The following C17orf78 variants were observed in gnomAD, a reference collection of about 807,000 sequenced individuals.
C17orf78 encodes the protein uncharacterized protein C17orf78.
In C17orf78, 27 loss-of-function variants were observed where a neutral mutation model predicts 31.8. That is an observed-to-expected ratio of 0.85 (90% CI 0.63 to 1.17). C17orf78 has a LOEUF of 1.17. Ranked by LOEUF, C17orf78 falls within the 50% of genes most tolerant of loss-of-function variation. The pLI, the probability that C17orf78 is intolerant of heterozygous loss-of-function variation, is 0.00. For missense variants in C17orf78, 258 were observed against 315.2 expected, an observed-to-expected ratio of 0.82 and a Z score of 1.37; for synonymous variants, 106 against 115.1, an observed-to-expected ratio of 0.92 and a Z score of 0.51.
intron 3 of C17orf78, among the ~76,000 whole-genome samples, chr17:37,380,421 A>G (rs1376913082): frequency 1.3e-5 from 2 of 152,034 alleles, no homozygotes; most frequent in African/African-American, 2.4e-5. Context: ...AACTTAAAGT[A>G]TAATAATAAA....
Position 37,392,367 on chromosome 17 carries a change from T to C in C17orf78, c.*643T>C, listed in dbSNP as rs2050919412. ...CTAAGGTGGCTCTGATATTATATCA[T>C]ACTTTAATAGAGAGTTGCATACCTT... is the stretch of plus-strand genomic sequence containing the variant. On this transcript the variant is annotated 3_prime_UTR_variant, in exon 7 of 7. Transcript: ENST00000615133. 1 of 152,232 alleles carries C rather than the reference T, an allele frequency of 6.6e-6. No homozygotes were observed. The highest frequency in any genetic ancestry group is 2.4e-5 in the African/African-American group (1 of 41,454). The allele number at this position is 152,232 out of a possible 1,614,324, so 9.4% of individuals were successfully genotyped here. A position where few individuals can be genotyped will look rare whatever the true frequency, so the allele number is the denominator to read the frequency against.
At chr17:37,380,912 T>TTA (rs1333961448) in intron 3 of C17orf78, among the ~76,000 whole-genome samples, 1 of 149,932 alleles carries the variant, frequency 6.7e-6, no homozygotes, top group African/African-American at 2.5e-5. Context: ...TTTTTTTTTT[T>TTA]AATTTCATTT....
At chr17:37,380,893 G>A (rs1597750723) in intron 3 of C17orf78, among the ~76,000 whole-genome samples, 1 of 148,726 alleles carries the variant, frequency 6.7e-6, no homozygotes, top group East Asian at 1.9e-4. Context: ...ACCGTGCCTG[G>A]CCAGGTTTTT....
Position 37,388,698 on chromosome 17 carries a change from G to T in C17orf78, c.537G>T (p.Gln179His), listed in dbSNP as rs755804849. The change falls in exon 5 of 7, where the codon CAG becomes CAT. Residue 179 changes from glutamine (Q) to histidine (H), a missense_variant. By Grantham distance (24) the Gln-to-His change is conservative. Coordinates refer to ENST00000615133, the MANE Select transcript of C17orf78 (RefSeq NM_173625.5). Reference sequence around the variant, plus strand: ...CAGATGAGAACCTAGAGAAGAGACAGAAATGGAGTATTGTGGTCAAAATTC... The same window carrying T: ...CAGATGAGAACCTAGAGAAGAGACATAAATGGAGTATTGTGGTCAAAATTC... The part of the protein sequence containing the change: ...TDTDENLEKR[Q>H]KWSIVVKILI... 8 of 1,612,502 alleles carry T rather than the reference G, an allele frequency of 5.0e-6. No homozygotes were observed. Among genetic ancestry groups the T allele is most frequent in the South Asian group, 1.1e-5 (1 of 90,822 alleles).
At position 37,380,331 on chromosome 17, in the gene C17orf78, C is replaced by T. The variant is rs1055540640; in HGVS notation, c.391+949C>T. Among the ~76,000 whole-genome samples the T allele has an allele frequency of 8.0e-5, 12 of 150,262 alleles. No homozygotes were observed. In the South Asian group the frequency reaches 8.5e-4, roughly 11 times the overall value. On this transcript the variant is annotated intron_variant, in intron 3 of 6. Coordinates refer to ENST00000615133, the MANE Select transcript of C17orf78 (RefSeq NM_173625.5). ...GGGAGATATACCTAATGCTAGATGACGAGTTAGTGGGTGCAGCGCACCAGC... is the reference window on the plus strand; with the variant it reads ...GGGAGATATACCTAATGCTAGATGATGAGTTAGTGGGTGCAGCGCACCAGC...
chr17:37,382,971 A>C (rs2147757559), intron 3 of C17orf78, among the ~76,000 whole-genome samples: 1 of 152,320 alleles, frequency 6.6e-6, no homozygotes, highest in South Asian at 2.1e-4. Context: ...CGGGAGGCGG[A>C]GGTTGCAGTG....
chr17:37,385,996 C>A lies in C17orf78; in HGVS notation c.392-13C>A. 6.6e-7 allele frequency: 1 copy of A among 1,524,932 alleles called. No individual in the cohort carries two copies. Among genetic ancestry groups the A allele is most frequent in the Non-Finnish European group, 9.0e-7 (1 of 1,114,350 alleles). The allele number at this position is 1,524,932 out of a possible 1,614,324, so 94.5% of individuals were successfully genotyped here. On this transcript the variant is annotated splice_polypyrimidine_tract_variant and intron_variant, in intron 3 of 6. Coordinates refer to ENST00000615133, the MANE Select transcript of C17orf78 (RefSeq NM_173625.5). ...TTCCCCTAAAGTTTCATCTTTTCTA[C>A]TTTGTTTTATAGCTTTTTTACCAGG... is the stretch of plus-strand genomic sequence containing the variant.
At chr17:37,376,184 T>A in intron 1 of C17orf78, 34 bp downstream of exon 1, 1 of 1,566,166 alleles carries the variant, frequency 6.4e-7, no homozygotes, top group Non-Finnish European at 8.8e-7. Flanking sequence ...TCCTGGAAAA[T>A]ACAGAGAGAG....
intron 2 of C17orf78, among the ~76,000 whole-genome samples, chr17:37,378,897 T>TA (rs1178967798): frequency 2.0e-5 from 3 of 151,988 alleles, no homozygotes; most frequent in Non-Finnish European, 4.4e-5. Context: ...CCCTGTCTTT[T>TA]AAAAAATTAA....
intron 3 of C17orf78, among the ~76,000 whole-genome samples, chr17:37,385,466 C>T (rs967228188): frequency 1.3e-5 from 2 of 151,776 alleles, no homozygotes; most frequent in African/African-American, 4.8e-5. Flanking sequence ...GAGGGGGACC[C>T]TGTCTTAAAA....
chr17:37,389,337 C>T lies in C17orf78; in HGVS notation c.725C>T (p.Ser242Phe), dbSNP rs759320044. 1.3e-6 allele frequency: 2 copies of T among 1,591,006 alleles called. No homozygotes were observed. Among genetic ancestry groups the T allele is most frequent in the Non-Finnish European group, 8.6e-7 (1 of 1,168,766 alleles). ...KGGQPPGTAESKPDSQPQKVG... is the reference protein window; with the variant it reads ...KGGQPPGTAEFKPDSQPQKVG... Reference sequence around the variant, plus strand: ...GGCCAGCCACCTGGGACAGCTGAATCCAAGCCTGACTCTCAGCCCCAGAAG... The same window carrying T: ...GGCCAGCCACCTGGGACAGCTGAATTCAAGCCTGACTCTCAGCCCCAGAAG... The change falls in exon 6 of 7, where the codon TCC (serine) becomes TTC (phenylalanine). Residue 242 changes from serine to phenylalanine, a missense_variant. Transcript: ENST00000615133.
At chr17:37,381,079 T>C (rs1332570180) in intron 3 of C17orf78, among the ~76,000 whole-genome samples, 1 of 152,070 alleles carries the variant, frequency 6.6e-6, no homozygotes, top group Non-Finnish European at 1.5e-5. Flanking sequence ...TAAGAATGTA[T>C]GAATGTGCAT....
chr17:37,390,490 G>A (rs1230073204), intron 6 of C17orf78, among the ~76,000 whole-genome samples: 2 of 147,728 alleles, frequency 1.4e-5, no homozygotes, highest in East Asian at 4.1e-4. Context: ...GGTGGGGCAT[G>A]GTGGTGTGCA....
intron 6 of C17orf78, among the ~76,000 whole-genome samples, chr17:37,390,584 G>A (rs1468990920): frequency 2.0e-5 from 3 of 148,636 alleles, no homozygotes; most frequent in Non-Finnish European, 3.0e-5. Flanking sequence ...CCGAGATTGC[G>A]CCACTATACT....
intron 6 of C17orf78, among the ~76,000 whole-genome samples, chr17:37,390,083 GGAGTTTGAGAC>G (rs1202569004): frequency 9.5e-5 from 12 of 126,900 alleles, no homozygotes; most frequent in African/African-American, 3.7e-4. Context: ...CTAGAGTCCA[GGAGTTTGAGAC>G]CAGCCTAGGC....
At chr17:37,390,648 A>G (rs2050841690) in intron 6 of C17orf78, among the ~76,000 whole-genome samples, 2 of 150,842 alleles carry the variant, frequency 1.3e-5, no homozygotes, top group African/African-American at 2.4e-5. Flanking sequence ...AAAAAAAAAA[A>G]GCCAGCTGGT....
intron 6 of C17orf78, among the ~76,000 whole-genome samples, chr17:37,390,323 T>TA (rs1490999855): frequency 2.1e-5 from 1 of 46,668 alleles, no homozygotes; most frequent in African/African-American, 9.9e-5. Flanking sequence ...TATATATATA[T>TA]ATATATATAT....
In C17orf78 at chr17:37,391,923, T is replaced by C. The variant is rs2050901589; in HGVS notation, c.*199T>C. 6.8e-6 allele frequency: 4 copies of C among 589,864 alleles called. No individual in the cohort carries two copies. The East Asian group carries it at 1.1e-4, about 16-fold the overall frequency. 36.5% of individuals were successfully genotyped at this position (589,864 alleles called of 1,614,324 possible). A position where few individuals can be genotyped will look rare whatever the true frequency, so the allele number is the denominator to read the frequency against. ...CTATCTGAGCCACAACCTTCTGTAA[T>C]TCACTTCATACATCCATCTAAATGG... On this transcript the variant is annotated 3_prime_UTR_variant, in exon 7 of 7. Transcript: ENST00000615133.
chr17:37,388,208 G>A (rs79582826), intron 4 of C17orf78, among the ~76,000 whole-genome samples: 2,815 of 152,122 alleles, frequency 0.019, 83 homozygotes, highest in African/African-American at 0.064. Context: ...TGACCCAGAA[G>A]CAGTGCTAAT....
Sources: gnomAD v4.1 joint callset for allele counts (sites outside exome capture counted in the v4.1 genomes callset) on GRCh38, gnomAD v4.1.1 for gene constraint, MANE v1.5 for transcripts, NCBI Gene and HGNC (gene_info 2026-07-23, HGNC 2026-07-21) for gene names.